TEK: variants seen among roughly 807,000 people sequenced by gnomAD.
TEK encodes the protein TEK receptor tyrosine kinase.
In TEK, 43 loss-of-function variants were observed where a neutral mutation model predicts 131.8. That is an observed-to-expected ratio of 0.33 (90% CI 0.26 to 0.42). The LOEUF (loss-of-function observed/expected upper bound fraction) is 0.42, where lower values mean the gene tolerates loss of function less well. TEK is among the 10% of genes least tolerant of loss of function. The probability of loss-of-function intolerance (pLI) is 1.00; values close to 1 mark genes in which losing one functional copy is unlikely to be tolerated. For missense variants in TEK, 1,162 were observed against 1,384.4 expected, an observed-to-expected ratio of 0.84 and a Z score of 2.55; for synonymous variants, 580 against 491.6, an observed-to-expected ratio of 1.18 and a Z score of -2.38.
At chr9:27,167,132 T>G (rs1377741290) in intron 2 of TEK, among the ~76,000 whole-genome samples, 1 of 152,246 alleles carries the variant, frequency 6.6e-6, no homozygotes, top group Admixed American at 6.5e-5. Context: ...TTAGAAGATT[T>G]TATTCCCATA....
intron 8 of TEK, among the ~76,000 whole-genome samples, chr9:27,184,778 C>A (rs951541072): frequency 2.0e-5 from 3 of 152,208 alleles, no homozygotes; most frequent in East Asian, 1.9e-4. Context: ...TGACTCATGC[C>A]TGCAATCCCA....
At chr9:27,117,605 T>C (rs1729214282) in intron 1 of TEK, among the ~76,000 whole-genome samples, 1 of 152,190 alleles carries the variant, frequency 6.6e-6, no homozygotes, top group African/African-American at 2.4e-5. Flanking sequence ...CCTGACACTT[T>C]TCAACACATC....
intron 12 of TEK, among the ~76,000 whole-genome samples, chr9:27,200,216 T>G (rs1825168662): frequency 6.6e-6 from 1 of 152,190 alleles, no homozygotes; most frequent in Non-Finnish European, 1.5e-5. Flanking sequence ...ATCTGTTTGT[T>G]CCTGTACCAT....
intron 1 of TEK, among the ~76,000 whole-genome samples, chr9:27,115,595 T>A (rs116468802): frequency 0.016 from 2,432 of 152,306 alleles, 61 homozygotes; most frequent in African/African-American, 0.056. Flanking sequence ...AAATGAGTAG[T>A]ATTTTGAAAA....
At position 27,229,199 on chromosome 9, in the gene TEK, A is replaced by C; in HGVS notation, c.3342A>C (p.Ala1114=). The C allele has an allele frequency of 3.1e-6, 5 of 1,613,892 alleles. No individual in the cohort carries two copies. Among genetic ancestry groups the C allele is most frequent in the Non-Finnish European group, 4.2e-6 (5 of 1,179,772 alleles). Reference sequence around the variant, plus strand: ...CGCTTTATGAGAAGTTTACTTATGCAGGAATTGACTGTTCTGCTGAAGAAG... The same window carrying C: ...CGCTTTATGAGAAGTTTACTTATGCCGGAATTGACTGTTCTGCTGAAGAAG... ...NTTLYEKFTY[A]GIDCSAEEAA is the part of the protein sequence containing the mutation. Residue 1114 remains alanine (A), a synonymous_variant, in exon 23 of 23, where the codon GCA becomes GCC. Transcript: ENST00000380036.
Position 27,132,556 on chromosome 9 carries a change from C to T in TEK, c.52+22914C>T, listed in dbSNP as rs575274991. Among the ~76,000 whole-genome samples, 8 of 152,104 alleles carry T rather than the reference C, an allele frequency of 5.3e-5. No homozygotes were observed. In the South Asian group the frequency reaches 1.5e-3, roughly 28 times the overall value. ...TTGGGACACCGGGGCATTCAGATGG[C>T]CTATTGAAATGAGACAAGGAGAGAC... On this transcript the variant is annotated intron_variant, in intron 1 of 22. Coordinates refer to ENST00000380036, the MANE Select transcript of TEK (RefSeq NM_000459.5).
rs151118282 is a variant in TEK at position 27,201,202 on chromosome 9, T to C, written c.1910-1618T>C. On this transcript the variant is annotated intron_variant, in intron 12 of 22. Transcript: ENST00000380036. ...CCGCTGAATTTAAATCAAAGGTTTA[T>C]TGAGCTATCCCTAAGAATGACTCCT... Among the ~76,000 whole-genome samples the C allele has an allele frequency of 1.7e-3, 264 of 152,076 alleles. 2 individuals are homozygous for C. Among genetic ancestry groups the C allele is most frequent in the Admixed American group, 5.8e-3 (88 of 15,248 alleles).
chr9:27,157,043 G>T (rs1047072364), intron 1 of TEK, among the ~76,000 whole-genome samples: 4 of 152,118 alleles, frequency 2.6e-5, no homozygotes, highest in African/African-American at 4.8e-5. Flanking sequence ...AACATGAGAG[G>T]ATTTTCTTTT....
At chr9:27,193,107 A>G (rs575466835) in intron 11 of TEK, among the ~76,000 whole-genome samples, 1 of 152,352 alleles carries the variant, frequency 6.6e-6, no homozygotes, top group Admixed American at 6.5e-5. Flanking sequence ...GAGTCATGAC[A>G]TCAAATAGAA....
intron 21 of TEK, 142 bp from the exon 22 acceptor site, chr9:27,228,064 C>T (rs998985029): frequency 1.5e-5 from 9 of 613,256 alleles, no homozygotes; most frequent in Admixed American, 2.7e-5. Context: ...TGGGAGTCCT[C>T]ATAGAAACTT....
At chr9:27,209,330 T>C in intron 16 of TEK, 99 bp downstream of exon 16, 1 of 910,374 alleles carries the variant, frequency 1.1e-6, no homozygotes, top group Non-Finnish European at 1.8e-6. Context: ...GAATGTTGCC[T>C]ATTTTTTTTA....
intron 21 of TEK, among the ~76,000 whole-genome samples, chr9:27,221,338 G>A (rs1019844732): frequency 2.0e-5 from 3 of 152,184 alleles, no homozygotes; most frequent in Non-Finnish European, 4.4e-5. Flanking sequence ...GTGGCTGTTG[G>A]TGTAGCTTCA....
At chr9:27,187,820 C>T (rs968595527) in intron 9 of TEK, among the ~76,000 whole-genome samples, 1 of 152,028 alleles carries the variant, frequency 6.6e-6, no homozygotes, top group Non-Finnish European at 1.5e-5. Context: ...CAGGGTCTTC[C>T]CTTTGTACTT....
At chr9:27,188,943 T>C (rs994289356) in intron 9 of TEK, among the ~76,000 whole-genome samples, 7 of 152,162 alleles carry the variant, frequency 4.6e-5, no homozygotes, top group African/African-American at 1.2e-4. Flanking sequence ...GTGGTGACTG[T>C]AATTTTAAAT....
At position 27,229,254 on chromosome 9, in the gene TEK, C is replaced by G. The variant is rs779950987; in HGVS notation, c.*22C>G. The G allele has an allele frequency of 1.9e-6, 3 of 1,612,272 alleles. No individual in the cohort carries two copies. The highest frequency in any genetic ancestry group is 1.7e-5 in the Admixed American group (1 of 59,964). Reference sequence around the variant, plus strand: ...CTAGGACAGAACATCTGTATACCCTCTGTTTCCCTTTCACTGGCATGGGAG... The same window carrying G: ...CTAGGACAGAACATCTGTATACCCTGTGTTTCCCTTTCACTGGCATGGGAG... On this transcript the variant is annotated 3_prime_UTR_variant, in exon 23 of 23. Transcript: ENST00000380036.
intron 1 of TEK, among the ~76,000 whole-genome samples, chr9:27,149,280 G>A (rs1823041206): frequency 6.6e-6 from 1 of 152,032 alleles, no homozygotes; most frequent in Non-Finnish European, 1.5e-5. Context: ...TGAGACATAG[G>A]TTCAAATTGT....
intron 9 of TEK, among the ~76,000 whole-genome samples, chr9:27,186,161 A>G (rs1009088596): frequency 6.6e-6 from 1 of 152,224 alleles, no homozygotes; most frequent in Admixed American, 6.6e-5. Context: ...TTTCACATTC[A>G]GGGCTGTGGG....
At chr9:27,130,858 G>A (rs989025960) in intron 1 of TEK, among the ~76,000 whole-genome samples, 9 of 151,574 alleles carry the variant, frequency 5.9e-5, no homozygotes, top group African/African-American at 2.2e-4. Flanking sequence ...GAGCCACCGC[G>A]CCCGGCCAAA....
Position 27,183,739 on chromosome 9 carries a change from A to G in TEK, c.1182+129A>G, listed in dbSNP as rs1824487905. The G allele has an allele frequency of 1.1e-5, 14 of 1,290,170 alleles. No homozygotes were observed. The East Asian group carries it at 3.2e-4, about 30-fold the overall frequency. The allele number at this position is 1,290,170 out of a possible 1,614,324, so 79.9% of individuals were successfully genotyped here. ...GCTAGTGTGTTGTTGGCTTTGATAAAATGCCCTATTCCTGGAGAGGCAGAA... is the reference window on the plus strand; with the variant it reads ...GCTAGTGTGTTGTTGGCTTTGATAAGATGCCCTATTCCTGGAGAGGCAGAA... On this transcript the variant is annotated intron_variant, in intron 8 of 22. Transcript: ENST00000380036.
Sources: allele counts gnomAD v4.1 joint callset (sites outside exome capture counted in the v4.1 genomes callset), GRCh38; gene constraint gnomAD v4.1.1; transcripts MANE v1.5; gene names NCBI Gene and HGNC (gene_info 2026-07-23, HGNC 2026-07-21).